Variants in TLN1 observed in about 807,000 individuals in gnomAD.
TLN1 encodes talin 1, also known as talin-1.
TLN1 carries 56 observed loss-of-function variants against 292.3 expected under a neutral mutation model. That is an observed-to-expected ratio of 0.19 (90% CI 0.15 to 0.24). The LOEUF (loss-of-function observed/expected upper bound fraction) is 0.24. Among genes scored for constraint, TLN1 ranks in the 10% least tolerant of loss-of-function variants. The pLI is 1.00. For missense variants in TLN1, 2,433 were observed against 3,248.2 expected, an observed-to-expected ratio of 0.75 and a Z score of 6.10; for synonymous variants, 1,119 against 1,253.7, an observed-to-expected ratio of 0.89 and a Z score of 2.27.
Position 35,719,164 on chromosome 9 carries a change from G to A in TLN1, c.1806C>T (p.Gly602=), listed in dbSNP as rs754573114. Residue 602 remains glycine (G), a synonymous_variant, in exon 16 of 57, where the codon GGC becomes GGT. Transcript: ENST00000314888. The surrounding 1 kb of genome is among the most constrained non-coding windows in gnomAD (Gnocchi z 4.6). ...CCTGCAACAGGGGCCGACCACTGCCGCCTTCGTCCTCCAGCAAGGCAGCCA... is the reference window on the plus strand; with the variant it reads ...CCTGCAACAGGGGCCGACCACTGCCACCTTCGTCCTCCAGCAAGGCAGCCA... The part of the protein sequence containing the change: ...KLLAALLEDE[G]GSGRPLLQAA... 10 of 1,614,010 alleles carry A rather than the reference G, an allele frequency of 6.2e-6. No individual in the cohort carries two copies. The highest frequency in any genetic ancestry group is 4.4e-5 in the South Asian group (4 of 91,084).
In TLN1 at chr9:35,704,489, C is replaced by T. The variant is rs755674368; in HGVS notation, c.5890G>A (p.Val1964Ile). Reference sequence around the variant, plus strand: ...TTCCCAGCCTGGAGCGCAGCCAGGACGTGGGAGACCTGGGTAGGGAATGTC... The same window carrying T: ...TTCCCAGCCTGGAGCGCAGCCAGGATGTGGGAGACCTGGGTAGGGAATGTC... ...ARRVSEKVSH[V>I]LAALQAGNRG... The change falls in exon 45 of 57, where the codon GTC (valine) becomes ATC (isoleucine). Residue 1964 changes from valine (V) to isoleucine (I), a missense_variant. Coordinates refer to ENST00000314888, the MANE Select transcript of TLN1 (RefSeq NM_006289.4). The surrounding 1 kb of genome is among the most constrained non-coding windows in gnomAD (Gnocchi z 6.9). 1.2e-4 allele frequency: 185 copies of T among 1,608,568 alleles called. No individual in the cohort carries two copies. The highest frequency in any genetic ancestry group is 1.5e-4 in the Non-Finnish European group (181 of 1,176,908).
In TLN1 at chr9:35,710,891, G is replaced by A. The variant is rs755673899; in HGVS notation, c.4114-5C>T. The A allele has an allele frequency of 1.2e-6, 2 of 1,614,236 alleles. No individual in the cohort carries two copies. The highest frequency in any genetic ancestry group is 1.7e-6 in the Non-Finnish European group (2 of 1,180,052). ...CTCCAGGAGTTCCCGGACCGTCTGT[G>A]TAGGGGGAGGGCAAAGTGAGATCCA... is the stretch of plus-strand genomic sequence containing the variant. On this transcript the variant is annotated splice_region_variant and splice_polypyrimidine_tract_variant and intron_variant, in intron 31 of 56. Transcript: ENST00000314888.
At position 35,698,485 on chromosome 9, in the gene TLN1, G is replaced by A; in HGVS notation, c.7209C>T (p.Ala2403=). Residue 2403 remains alanine, a synonymous_variant, in exon 55 of 57, where the codon GCC becomes GCT. Coordinates refer to ENST00000314888, the MANE Select transcript of TLN1 (RefSeq NM_006289.4). The surrounding 1 kb of genome is among the most constrained non-coding windows in gnomAD (Gnocchi z 5.3). The part of the protein sequence containing the change: ...LISAARMVAA[A]TNNLCEAANA... ...TGGCTGCCTCACACAGATTGTTGGT[G>A]GCCGCAGCCACCATCCGGGCCTAAA... 2.5e-6 allele frequency: 4 copies of A among 1,613,914 alleles called. No individual in the cohort carries two copies. The highest frequency in any genetic ancestry group is 3.4e-6 in the Non-Finnish European group (4 of 1,179,956).
chr9:35,699,309 C>T lies in TLN1; in HGVS notation c.6874+47G>A, dbSNP rs1222843328. The T allele has an allele frequency of 6.3e-7, 1 of 1,581,330 alleles. No homozygotes were observed. Among genetic ancestry groups the T allele is most frequent in the Admixed American group, 1.8e-5 (1 of 56,690 alleles). On this transcript the variant is annotated intron_variant, in intron 51 of 56. Transcript: ENST00000314888. This position sits in a 1 kb window ranked among gnomAD's most constrained non-coding sequence, Gnocchi z 4.0. Reference sequence around the variant, plus strand: ...GTCCAGCCAGGAAGCAGAGATCACACCATGATAAGGGTTTTCCATCCGTCC... The same window carrying T: ...GTCCAGCCAGGAAGCAGAGATCACATCATGATAAGGGTTTTCCATCCGTCC...
intron 1 of TLN1, among the ~76,000 whole-genome samples, chr9:35,727,366 G>A (rs560841952): frequency 2.9e-4 from 44 of 152,252 alleles, no homozygotes; most frequent in African/African-American, 1.0e-3. Context: ...GATGGGATGA[G>A]GAGAATTGAA....
chr9:35,711,781 G>A lies in TLN1; in HGVS notation c.3693C>T (p.Ser1231=), dbSNP rs1440455030. The A allele has an allele frequency of 1.2e-6, 2 of 1,613,912 alleles. No individual in the cohort carries two copies. Among genetic ancestry groups the A allele is most frequent in the Non-Finnish European group, 8.5e-7 (1 of 1,180,042 alleles). The change falls in exon 29 of 57, where the codon AGC becomes AGT. Residue 1231 remains serine, a synonymous_variant. Transcript: ENST00000314888. ...TCTGAGCTTCTTGAAATGTCCCAGT[G>A]CTAGGAGGAAGCTGCAAGGTGAGAG... The part of the protein sequence containing the change: ...KRLLSDSLPP[S]TGTFQEAQSR...
chr9:35,703,548 ACT>A lies in TLN1; in HGVS notation c.6474+10_6474+11del, dbSNP rs1825505907. ...CTGACCCTAGTCACTGATGCCCCAGACTCTCACTCACCGCCAGCTCCTGCCGT... is the reference window on the plus strand; with the variant it reads ...CTGACCCTAGTCACTGATGCCCCAGACTCACTCACCGCCAGCTCCTGCCGT... On this transcript the variant is annotated intron_variant, in intron 48 of 56. Transcript: ENST00000314888. 6.2e-7 allele frequency: 1 copy of A among 1,612,294 alleles called. No homozygotes were observed. The highest frequency in any genetic ancestry group is 8.5e-7 in the Non-Finnish European group (1 of 1,178,810).
In TLN1 at chr9:35,712,431, G is replaced by A. The variant is rs1033247988; in HGVS notation, c.3562-307C>T. 5.3e-5 allele frequency among the ~76,000 whole-genome samples: 8 copies of A among 152,250 alleles called. No homozygotes were observed. In the East Asian group the frequency reaches 1.5e-3, roughly 29 times the overall value. On this transcript the variant is annotated intron_variant, in intron 27 of 56. Coordinates refer to ENST00000314888, the MANE Select transcript of TLN1 (RefSeq NM_006289.4). ...GAGGCCGAGGGGGGCAGATCACGAGGTCAAGAGATCGAGACCATCCTGGCC... is the reference window on the plus strand; with the variant it reads ...GAGGCCGAGGGGGGCAGATCACGAGATCAAGAGATCGAGACCATCCTGGCC...
chr9:35,711,294 G>A lies in TLN1; in HGVS notation c.3980C>T (p.Ala1327Val), dbSNP rs775197727. The change falls in exon 30 of 57, where the codon GCT (alanine) becomes GTT (valine). Residue 1327 changes from alanine to valine, a missense_variant. Coordinates refer to ENST00000314888, the MANE Select transcript of TLN1 (RefSeq NM_006289.4). ...LAAKALSTDP[A>V]APNLKSQLAA... ...CAGCTGACTCTTGAGGTTAGGGGCAGCAGGGTCCGTGGACAGGGCCTTGGC... is the reference window on the plus strand; with the variant it reads ...CAGCTGACTCTTGAGGTTAGGGGCAACAGGGTCCGTGGACAGGGCCTTGGC... 32 of 1,614,176 alleles carry A rather than the reference G, an allele frequency of 2.0e-5. No homozygotes were observed. The highest frequency in any genetic ancestry group is 3.3e-5 in the Admixed American group (2 of 60,032).
intron 33 of TLN1, 106 bp downstream of exon 33, chr9:35,710,455 C>T: frequency 2.7e-6 from 4 of 1,488,512 alleles, no homozygotes; most frequent in South Asian, 2.6e-5. Context: ...ATAGAGTTGG[C>T]TTTGCAAACA....
rs1563945552 is a variant in TLN1, at chr9:35,719,420, G to A, written c.1687+99C>T. Reference sequence around the variant, plus strand: ...ACACACACAGTCCCTTCCACAGTGAGTCAAGGCACAGTCACACATGAAGCC... The same window carrying A: ...ACACACACAGTCCCTTCCACAGTGAATCAAGGCACAGTCACACATGAAGCC... On this transcript the variant is annotated intron_variant, in intron 15 of 56. Transcript: ENST00000314888. This position sits in a 1 kb window ranked among gnomAD's most constrained non-coding sequence, Gnocchi z 4.6. 6 of 1,356,692 alleles carry A rather than the reference G, an allele frequency of 4.4e-6. No individual in the cohort carries two copies. The East Asian group carries it at 1.1e-4, about 26-fold the overall frequency. 84.0% of individuals were successfully genotyped at this position (1,356,692 alleles called of 1,614,324 possible).
rs758403136 is a variant in TLN1, at chr9:35,706,594, A to G, written c.5089-43T>C. 19 of 1,604,594 alleles carry G rather than the reference A, an allele frequency of 1.2e-5. No homozygotes were observed. In the African/African-American group the frequency reaches 1.9e-4, roughly 16 times the overall value. On this transcript the variant is annotated intron_variant, in intron 38 of 56. Transcript: ENST00000314888. The surrounding 1 kb of genome is among the most constrained non-coding windows in gnomAD (Gnocchi z 4.2). ...ATTAGCCCTGATGGTGACCTGCAAT[A>G]GGACCCTCTGGCTACAAAGAACTGC... is the stretch of plus-strand genomic sequence containing the variant.
Position 35,720,218 on chromosome 9 carries a change from A to T in TLN1, c.1285T>A (p.Ser429Thr), listed in dbSNP as rs764077402. 1 of 1,585,414 alleles carries T rather than the reference A, an allele frequency of 6.3e-7. No homozygotes were observed. Among genetic ancestry groups the T allele is most frequent in the South Asian group, 1.2e-5 (1 of 85,714 alleles). ...TTGTATTGCTGCTGCAGGACTGTTG[A>T]CCTGTAGAGGGGTGAACTATTGAGC... is the stretch of plus-strand genomic sequence containing the variant. ...MLEDSVSPKK[S>T]TVLQQQYNRV... Residue 429 changes from serine (S) to threonine (T), a missense_variant and splice_region_variant, in exon 13 of 57, where the codon TCA becomes ACA. Ser to Thr is a moderately conservative substitution (Grantham distance 58). Coordinates refer to ENST00000314888, the MANE Select transcript of TLN1 (RefSeq NM_006289.4).
intron 20 of TLN1, among the ~76,000 whole-genome samples, chr9:35,716,030 A>G (rs536934861): frequency 3.9e-5 from 6 of 152,220 alleles, no homozygotes; most frequent in African/African-American, 1.4e-4. Flanking sequence ...GTCACTATGT[A>G]CCTCATGAAT....
Position 35,707,003 on chromosome 9 carries a change from C to CG in TLN1, c.4955+68_4955+69insC. On this transcript the variant is annotated intron_variant, in intron 37 of 56. Transcript: ENST00000314888. This position sits in a 1 kb window ranked among gnomAD's most constrained non-coding sequence, Gnocchi z 5.6. ...CAACACCATCCCATCTCATTGCACT[C>CG]AAGTGCCCATCCTCCATTCTGCCAC... 29 of 1,608,280 alleles carry CG rather than the reference C, an allele frequency of 1.8e-5. No individual in the cohort carries two copies. Among genetic ancestry groups the CG allele is most frequent in the Non-Finnish European group, 2.5e-5 (29 of 1,178,190 alleles).
rs1825935787 is a variant in TLN1 at position 35,724,549 on chromosome 9, C to CTCTTTT, written c.511+17_511+22dup. 2 of 1,602,010 alleles carry CTCTTTT rather than the reference C, an allele frequency of 1.2e-6. No homozygotes were observed. On this transcript the variant is annotated intron_variant, in intron 5 of 56. Coordinates refer to ENST00000314888, the MANE Select transcript of TLN1 (RefSeq NM_006289.4). The surrounding 1 kb of genome is among the most constrained non-coding windows in gnomAD (Gnocchi z 4.7). ...TCCCACCCTTCCCATTTCAAAAGCC[C>CTCTTTT]TCTTTTTTCTAGTTCTGCTTACACT...
intron 20 of TLN1, 44 bp downstream of exon 20, chr9:35,716,346 C>T: frequency 6.2e-7 from 1 of 1,608,056 alleles, no homozygotes; most frequent in Non-Finnish European, 8.5e-7. Flanking sequence ...TGCTCTACTT[C>T]CCTCTAGGGT....
chr9:35,707,507 C>T lies in TLN1; in HGVS notation c.4633-19G>A, dbSNP rs1825586903. The T allele has an allele frequency of 6.2e-7, 1 of 1,612,590 alleles. No individual in the cohort carries two copies. Among genetic ancestry groups the T allele is most frequent in the African/African-American group, 1.3e-5 (1 of 74,872 alleles). On this transcript the variant is annotated intron_variant, in intron 35 of 56. Transcript: ENST00000314888. The surrounding 1 kb of genome is among the most constrained non-coding windows in gnomAD (Gnocchi z 5.6). Reference sequence around the variant, plus strand: ...CTAGCGCCTAGAAGTGACAGAGAGGCTCTCAGGACTTGGGATGCAGTCATA... The same window carrying T: ...CTAGCGCCTAGAAGTGACAGAGAGGTTCTCAGGACTTGGGATGCAGTCATA...
chr9:35,712,686 G>A, intron 27 of TLN1, 149 bp downstream of exon 27: 1 of 636,344 alleles, frequency 1.6e-6, no homozygotes, highest in Non-Finnish European at 2.7e-6. Flanking sequence ...AGAACATAAG[G>A]GTGGAATCCA....
Sources: gnomAD v4.1 joint callset for allele counts (sites outside exome capture counted in the v4.1 genomes callset) on GRCh38, gnomAD v4.1.1 for gene constraint, Gnocchi (gnomAD v3.1) non-coding constraint, MANE v1.5 for transcripts, NCBI Gene and HGNC (gene_info 2026-07-23, HGNC 2026-07-21) for gene names.